The following EFCAB9 variants were observed in gnomAD, a reference collection of about 807,000 sequenced individuals.
EFCAB9 encodes EF-hand calcium-binding domain-containing protein 9.
A neutral mutation model predicts 15.6 loss-of-function variants in EFCAB9; 16 were observed. The ratio of observed to expected loss-of-function variants is 1.03; its 90% CI spans 0.69 to 1.56. The LOEUF is 1.56. Among genes scored for constraint, EFCAB9 ranks in the 40% most tolerant of loss-of-function variants. The pLI is 0.00. For missense variants in EFCAB9, 208 were observed against 235.4 expected (o/e 0.88, Z 0.76); for synonymous variants, 76 against 85.4 (o/e 0.89, Z 0.61).
Position 172,199,432 on chromosome 5 carries a change from ACAGAT to A in EFCAB9, c.189_193del (p.Ile64HisfsTer4), listed in dbSNP as rs1339738735. 14 of 1,537,280 alleles carry A rather than the reference ACAGAT, an allele frequency of 9.1e-6. No homozygotes were observed. Among genetic ancestry groups the A allele is most frequent in the Non-Finnish European group, 1.2e-5 (14 of 1,146,928 alleles). The stretch of plus-strand genomic sequence containing the variant: ...ATCATGTGACTGACTTGAAAAAGGC[ACAGAT>A]CAACATTGTGTTTGACATGCTGGAC... On this transcript the variant is annotated frameshift_variant, in exon 2 of 4. Transcript: ENST00000398186. LOFTEE classifies it high-confidence loss of function.
At chr5:172,194,907 T>C (rs994339791) in intron 1 of EFCAB9, among the ~76,000 whole-genome samples, 1 of 150,590 alleles carries the variant, frequency 6.6e-6, no homozygotes, top group Non-Finnish European at 1.5e-5. Context: ...CTTCTCATAA[T>C]GGAGTCCATC....
intron 3 of EFCAB9, among the ~76,000 whole-genome samples, chr5:172,202,819 A>G (rs1162042489): frequency 3.3e-5 from 5 of 151,610 alleles, no homozygotes. Flanking sequence ...GACCAACGTG[A>G]TGAAACCCCA....
intron 3 of EFCAB9, among the ~76,000 whole-genome samples, chr5:172,202,332 C>CAAA (rs10690291): frequency 0.036 from 2,621 of 73,244 alleles, 452 homozygotes; most frequent in African/African-American, 0.16. Context: ...GACTTCATCT[C>CAAA]AAAAAAAAAA....
At chr5:172,199,606 TC>T in intron 2 of EFCAB9, 75 bp downstream of exon 2, 5 of 1,489,630 alleles carry the variant, frequency 3.4e-6, no homozygotes, top group Non-Finnish European at 4.5e-6. Flanking sequence ...GAAGTTTTCC[TC>T]CTTTCACTAA....
chr5:172,199,432 A>G lies in EFCAB9; in HGVS notation c.186A>G (p.Ala62=). The G allele has an allele frequency of 1.3e-6, 2 of 1,537,280 alleles. No homozygotes were observed. Among genetic ancestry groups the G allele is most frequent in the Non-Finnish European group, 1.7e-6 (2 of 1,146,928 alleles). The change falls in exon 2 of 4, where the codon GCA becomes GCG. Residue 62 remains alanine, a synonymous_variant. Coordinates refer to ENST00000398186, the MANE Select transcript of EFCAB9 (RefSeq NM_001171183.2). ...FLHHVTDLKK[A]QINIVFDMLD... ...ATCATGTGACTGACTTGAAAAAGGC[A>G]CAGATCAACATTGTGTTTGACATGC...
At chr5:172,196,385 ATTTC>A (rs957583150) in intron 1 of EFCAB9, among the ~76,000 whole-genome samples, 2 of 146,856 alleles carry the variant, frequency 1.4e-5, no homozygotes, top group Non-Finnish European at 3.0e-5. Context: ...CAGTGGAGAC[ATTTC>A]TTTTTTTTTT....
At chr5:172,198,307 G>A (rs1360643158) in intron 1 of EFCAB9, among the ~76,000 whole-genome samples, 2 of 152,050 alleles carry the variant, frequency 1.3e-5, no homozygotes, top group Non-Finnish European at 2.9e-5. Flanking sequence ...CCAGGAGTTC[G>A]AGACGAGTCT....
chr5:172,200,042 T>C (rs1489164030), intron 2 of EFCAB9, among the ~76,000 whole-genome samples: 1 of 146,502 alleles, frequency 6.8e-6, no homozygotes, highest in African/African-American at 2.5e-5. Flanking sequence ...GTTCAATAGA[T>C]CAAGTAGCTG....
Position 172,203,197 on chromosome 5 carries a change from CCCCACCCT to C in EFCAB9, c.463-16_463-9del. The C allele has an allele frequency of 7.0e-7, 1 of 1,429,800 alleles. No individual in the cohort carries two copies. Among genetic ancestry groups the C allele is most frequent in the East Asian group, 2.6e-5 (1 of 38,006 alleles). 88.6% of individuals were successfully genotyped at this position (1,429,800 alleles called of 1,614,324 possible). ...TTTCCTGAAATAATTTTTCTTTCCC[CCCCACCCT>C]AACCAAAGCGTCTTAATTATCAGGA... On this transcript the variant is annotated splice_polypyrimidine_tract_variant and intron_variant, in intron 3 of 3. Coordinates refer to ENST00000398186, the MANE Select transcript of EFCAB9 (RefSeq NM_001171183.2).
In EFCAB9 at chr5:172,203,252, C is replaced by A; in HGVS notation, c.501C>A (p.Ile167=). ...AGGAATTTAAGCTGTATACAATCAT[C>A]TACACTGACAAATTACAGAAGAGGC... ...NYQEFKLYTI[I]YTDKLQKRQK... is the part of the protein sequence containing the mutation. Residue 167 remains isoleucine, a synonymous_variant, in exon 4 of 4, where the codon ATC becomes ATA. Coordinates refer to ENST00000398186, the MANE Select transcript of EFCAB9 (RefSeq NM_001171183.2). The A allele has an allele frequency of 6.5e-7, 1 of 1,536,280 alleles. No homozygotes were observed. The highest frequency in any genetic ancestry group is 8.7e-7 in the Non-Finnish European group (1 of 1,146,518).
chr5:172,200,124 G>A (rs1771232615), intron 2 of EFCAB9, among the ~76,000 whole-genome samples: 1 of 151,820 alleles, frequency 6.6e-6, no homozygotes, highest in African/African-American at 2.4e-5. Context: ...TCACCATGTT[G>A]GCCAGGCTGG....
intron 1 of EFCAB9, 111 bp from the exon 2 acceptor site, chr5:172,199,272 T>C: frequency 1.6e-6 from 2 of 1,270,392 alleles, no homozygotes; most frequent in Middle Eastern, 1.9e-4. Context: ...ATCATCATTC[T>C]TCCTAGATCA....
At chr5:172,195,735 T>C (rs1359918812) in intron 1 of EFCAB9, among the ~76,000 whole-genome samples, 1 of 152,196 alleles carries the variant, frequency 6.6e-6, no homozygotes, top group Non-Finnish European at 1.5e-5. Flanking sequence ...TGCCTTCCTG[T>C]GGGGGAATGA....
chr5:172,202,249 G>A (rs1300604492), intron 3 of EFCAB9, among the ~76,000 whole-genome samples: 2 of 141,418 alleles, frequency 1.4e-5, no homozygotes, highest in African/African-American at 5.5e-5. Context: ...GCTAAGGCAG[G>A]AGAATGGTGT....
intron 2 of EFCAB9, 35 bp from the exon 3 acceptor site, chr5:172,200,531 A>G (rs1581201236): frequency 1.3e-6 from 2 of 1,516,376 alleles, no homozygotes; most frequent in Non-Finnish European, 8.8e-7. Flanking sequence ...CATCGACAAC[A>G]CTGTTGCTCA....
At chr5:172,200,971 G>A (rs1771247989) in intron 3 of EFCAB9, among the ~76,000 whole-genome samples, 1 of 152,208 alleles carries the variant, frequency 6.6e-6, no homozygotes, top group South Asian at 2.1e-4. Flanking sequence ...GGGGGCTCAT[G>A]CCTGTAATCC....
At chr5:172,201,583 T>C (rs1771257281) in intron 3 of EFCAB9, among the ~76,000 whole-genome samples, 1 of 151,992 alleles carries the variant, frequency 6.6e-6, no homozygotes, top group African/African-American at 2.4e-5. Flanking sequence ...CAAAAAATGC[T>C]ACATCATATA....
intron 1 of EFCAB9, among the ~76,000 whole-genome samples, chr5:172,194,852 G>A (rs904880345): frequency 7.2e-5 from 11 of 151,948 alleles, no homozygotes; most frequent in African/African-American, 2.7e-4. Flanking sequence ...TGGATAACAC[G>A]TCATCGCCCT....
intron 3 of EFCAB9, among the ~76,000 whole-genome samples, chr5:172,203,013 G>A (rs1771282531): frequency 6.6e-6 from 1 of 151,980 alleles, no homozygotes; most frequent in Non-Finnish European, 1.5e-5. Flanking sequence ...AAATAAAAGT[G>A]GCCCTTGTTC....
Sources: gnomAD v4.1 joint callset for allele counts (sites outside exome capture counted in the v4.1 genomes callset) on GRCh38, gnomAD v4.1.1 for gene constraint, MANE v1.5 for transcripts, NCBI Gene and HGNC (gene_info 2026-07-23, HGNC 2026-07-21) for gene names.